CDKAL1: variants seen among roughly 807,000 people sequenced by gnomAD.
CDKAL1 encodes threonylcarbamoyladenosine tRNA methylthiotransferase.
CDKAL1 carries 32 observed loss-of-function variants against 68.2 expected under a neutral mutation model. That is an observed-to-expected ratio of 0.47 (90% CI 0.35 to 0.63). The LOEUF is 0.63. Among genes scored for constraint, CDKAL1 ranks in the 30% least tolerant of loss-of-function variants. CDKAL1 has a pLI of 0.00. For missense variants in CDKAL1, 606 were observed against 696.7 expected, an observed-to-expected ratio of 0.87 and a Z score of 1.47; for synonymous variants, 234 against 244.3, an observed-to-expected ratio of 0.96 and a Z score of 0.39.
At chr6:21,188,969 C>T (rs1345836266) in intron 13 of CDKAL1, among the ~76,000 whole-genome samples, 1 of 152,164 alleles carries the variant, frequency 6.6e-6, no homozygotes, top group African/African-American at 2.4e-5. Flanking sequence ...GGCAGGAAGG[C>T]ATCAGTGTGG....
intron 14 of CDKAL1, 196 bp from the exon 15 acceptor site, chr6:21,200,914 T>C: frequency 2.2e-6 from 1 of 444,730 alleles, no homozygotes; most frequent in Non-Finnish European, 4.0e-6. Flanking sequence ...GTTAATAATA[T>C]TAATATATCA....
chr6:20,633,204 C>CCT (rs1323786042), intron 4 of CDKAL1, among the ~76,000 whole-genome samples: 1 of 152,168 alleles, frequency 6.6e-6, no homozygotes, highest in Non-Finnish European at 1.5e-5. Flanking sequence ...TCCTCCTATC[C>CCT]CTCTCAGCCC....
chr6:21,120,026 T>A (rs1321625380), intron 13 of CDKAL1, among the ~76,000 whole-genome samples: 2 of 152,230 alleles, frequency 1.3e-5, no homozygotes, highest in Non-Finnish European at 2.9e-5. Flanking sequence ...CTTCTTTGCC[T>A]CTTTTCTGAT....
chr6:21,037,959 T>C (rs1249450414), intron 11 of CDKAL1, among the ~76,000 whole-genome samples: 1 of 152,216 alleles, frequency 6.6e-6, no homozygotes, highest in Non-Finnish European at 1.5e-5. Flanking sequence ...CATTGACTCA[T>C]TGATGTGTAT....
chr6:21,069,947 G>A (rs1230792224), intron 12 of CDKAL1, among the ~76,000 whole-genome samples: 6 of 151,170 alleles, frequency 4.0e-5, no homozygotes, highest in African/African-American at 1.2e-4. Context: ...CCGCCACCAC[G>A]CCCGGCTAAT....
At chr6:20,568,535 C>T (rs1193878695) in intron 4 of CDKAL1, among the ~76,000 whole-genome samples, 1 of 151,726 alleles carries the variant, frequency 6.6e-6, no homozygotes, top group East Asian at 2.0e-4. Flanking sequence ...AGATTGAGAC[C>T]ATCCTGGCTA....
chr6:21,052,404 A>G (rs1019745011), intron 11 of CDKAL1, among the ~76,000 whole-genome samples: 12 of 152,098 alleles, frequency 7.9e-5, no homozygotes, highest in African/African-American at 2.9e-4. Flanking sequence ...GCTGAAGTGC[A>G]GTGACACGAT....
intron 4 of CDKAL1, among the ~76,000 whole-genome samples, chr6:20,613,270 TTTTTTTTTTTTTTTTTTTTTTTG>T (rs1200499420): frequency 7.7e-5 from 7 of 90,584 alleles, no homozygotes; most frequent in South Asian, 3.7e-4. Flanking sequence ...TTTTTTTTTT[TTTTTTTTTTTTTTTTTTTTTTTG>T]AGACGGAGTC....
At chr6:20,728,016 T>G (rs1435113033) in intron 5 of CDKAL1, among the ~76,000 whole-genome samples, 1 of 152,204 alleles carries the variant, frequency 6.6e-6, no homozygotes, top group Non-Finnish European at 1.5e-5. Context: ...TTGCATGTAT[T>G]TGGGGTACAT....
chr6:21,180,225 C>T (rs889416957), intron 13 of CDKAL1, among the ~76,000 whole-genome samples: 5 of 152,238 alleles, frequency 3.3e-5, no homozygotes, highest in Admixed American at 3.3e-4. Context: ...TGTTCATAGT[C>T]ATCATGGTGG....
At chr6:20,745,915 C>G (rs1773646687) in intron 6 of CDKAL1, among the ~76,000 whole-genome samples, 1 of 152,294 alleles carries the variant, frequency 6.6e-6, no homozygotes, top group African/African-American at 2.4e-5. Context: ...TAATATTACT[C>G]TGTGTTTAAC....
chr6:20,923,735 A>G (rs1763060339), intron 9 of CDKAL1, among the ~76,000 whole-genome samples: 1 of 152,224 alleles, frequency 6.6e-6, no homozygotes, highest in Non-Finnish European at 1.5e-5. Context: ...AGAAATGGGC[A>G]GGCATGGCGG....
intron 10 of CDKAL1, among the ~76,000 whole-genome samples, chr6:20,963,246 C>G (rs1013546443): frequency 2.0e-5 from 3 of 152,048 alleles, no homozygotes; most frequent in Non-Finnish European, 4.4e-5. Context: ...AACATTCTAA[C>G]TCTTCAACTT....
chr6:20,896,090 T>A (rs1474654435), intron 9 of CDKAL1, among the ~76,000 whole-genome samples: 1 of 112,428 alleles, frequency 8.9e-6, no homozygotes, highest in Non-Finnish European at 1.8e-5. Context: ...TTTTTTTTCT[T>A]TTCTTTTCTT....
intron 13 of CDKAL1, among the ~76,000 whole-genome samples, chr6:21,171,306 A>G (rs552647553): frequency 3.4e-4 from 51 of 152,162 alleles, no homozygotes; most frequent in African/African-American, 1.1e-3. Context: ...TCTGCCTCCC[A>G]GGTTCAAAGG....
chr6:20,622,954 A>G (rs908288465), intron 4 of CDKAL1, among the ~76,000 whole-genome samples: 6 of 152,074 alleles, frequency 3.9e-5, no homozygotes, highest in Admixed American at 1.3e-4. Flanking sequence ...CTCAAACAAA[A>G]GGGAAACTAC....
At chr6:20,650,135 G>A (rs756413125) in intron 5 of CDKAL1, among the ~76,000 whole-genome samples, 1 of 152,124 alleles carries the variant, frequency 6.6e-6, no homozygotes, top group Non-Finnish European at 1.5e-5. Context: ...TTGAGAAATC[G>A]CCACACTGTC....
At position 21,024,020 on chromosome 6, in the gene CDKAL1, A is replaced by G. The variant is rs1381615855; in HGVS notation, c.1055+23648A>G. On this transcript the variant is annotated intron_variant, in intron 11 of 15. Transcript: ENST00000274695. ...ATGTGTACCATTTCCTTTGTTATTAATTTGTAAATAAATATATGATAGAGA... is the reference window on the plus strand; with the variant it reads ...ATGTGTACCATTTCCTTTGTTATTAGTTTGTAAATAAATATATGATAGAGA... Among the ~76,000 whole-genome samples, 3 of 152,092 alleles carry G rather than the reference A, an allele frequency of 2.0e-5. 1 individual carries two copies. The highest frequency in any genetic ancestry group is 2.0e-4 in the Admixed American group (3 of 15,264).
intron 13 of CDKAL1, among the ~76,000 whole-genome samples, chr6:21,147,039 G>A (rs900670719): frequency 5.9e-5 from 9 of 151,984 alleles, no homozygotes; most frequent in Admixed American, 2.0e-4. Flanking sequence ...TGGACGCCAC[G>A]ACCAAAGGCT....
Sources: gnomAD v4.1 joint callset for allele counts (sites outside exome capture counted in the v4.1 genomes callset) on GRCh38, gnomAD v4.1.1 for gene constraint, MANE v1.5 for transcripts, NCBI Gene and HGNC (gene_info 2026-07-23, HGNC 2026-07-21) for gene names.